The following ROBO2 variants were observed in gnomAD, a reference collection of about 807,000 sequenced individuals.
ROBO2 encodes roundabout guidance receptor 2, also known as roundabout homolog 2.
In ROBO2, 53 loss-of-function variants were observed where a neutral mutation model predicts 160.8. The observed-to-expected ratio is 0.33, with a 90% CI of 0.26 to 0.41. The LOEUF (loss-of-function observed/expected upper bound fraction) is 0.41, where lower values mean the gene tolerates loss of function less well. ROBO2 is among the 10% of genes least tolerant of loss of function. The pLI, the probability that ROBO2 is intolerant of heterozygous loss-of-function variation, is 1.00. For synonymous variants in ROBO2, 664 were observed against 611.7 expected, an observed-to-expected ratio of 1.09 and a Z score of -1.26; for missense variants, 1,577 against 1,722.4, an observed-to-expected ratio of 0.92 and a Z score of 1.49.
At chr3:76,882,086 TTG>T (rs10611502) in intron 2 of ROBO2, among the ~76,000 whole-genome samples, 37,561 of 144,050 alleles carry the variant, frequency 0.26, 4,951 homozygotes, top group Middle Eastern at 0.39. Flanking sequence ...CGTAGGTTGG[TTG>T]TGTGTGTGTG....
chr3:76,149,859 A>C (rs970952837), intron 2 of ROBO2, among the ~76,000 whole-genome samples: 13 of 50,970 alleles, frequency 2.6e-4, no homozygotes, highest in Non-Finnish European at 4.2e-4. Flanking sequence ...CACACATCAT[A>C]TGTCTAAAGC....
At chr3:77,247,871 T>G (rs1169023141) in intron 2 of ROBO2, among the ~76,000 whole-genome samples, 1 of 152,066 alleles carries the variant, frequency 6.6e-6, no homozygotes, top group Non-Finnish European at 1.5e-5. Context: ...TGCAGGGAGA[T>G]CCTGGGCAGA....
intron 2 of ROBO2, among the ~76,000 whole-genome samples, chr3:76,471,635 T>C (rs1475530750): frequency 6.6e-6 from 1 of 152,190 alleles, no homozygotes; most frequent in Non-Finnish European, 1.5e-5. Context: ...TGTGATATAA[T>C]AGTTTTCATC....
At chr3:76,753,029 G>C (rs1243203668) in intron 2 of ROBO2, among the ~76,000 whole-genome samples, 7 of 151,862 alleles carry the variant, frequency 4.6e-5, no homozygotes, top group Admixed American at 1.3e-4. Context: ...AAAGAGTTAA[G>C]TAAGACATTT....
intron 2 of ROBO2, among the ~76,000 whole-genome samples, chr3:77,382,415 C>T (rs1295671614): frequency 7.2e-6 from 1 of 138,300 alleles, no homozygotes; most frequent in Non-Finnish European, 1.6e-5. Flanking sequence ...TTTTCTTCTT[C>T]TTTTTTGTAA....
At chr3:76,983,167 T>G (rs1003050108) in intron 2 of ROBO2, among the ~76,000 whole-genome samples, 1 of 151,928 alleles carries the variant, frequency 6.6e-6, no homozygotes, top group African/African-American at 2.4e-5. Context: ...TGCCTGTAAT[T>G]CCACCTACTC....
At chr3:77,590,388 T>C (rs2094151181) in intron 17 of ROBO2, among the ~76,000 whole-genome samples, 2 of 152,108 alleles carry the variant, frequency 1.3e-5, no homozygotes, top group Non-Finnish European at 2.9e-5. Flanking sequence ...AGTAACTGAG[T>C]GTCAGAGTCT....
intron 2 of ROBO2, among the ~76,000 whole-genome samples, chr3:77,215,138 T>C (rs1489111420): frequency 6.6e-6 from 1 of 152,230 alleles, no homozygotes. Flanking sequence ...CCTTGCTGGG[T>C]TGGGGAAGTT....
At chr3:76,575,565 T>C (rs1248590365) in intron 2 of ROBO2, among the ~76,000 whole-genome samples, 1 of 152,028 alleles carries the variant, frequency 6.6e-6, no homozygotes, top group Non-Finnish European at 1.5e-5. Context: ...GAGGTAGAAG[T>C]ATGAGACAAT....
chr3:77,164,958 C>G (rs1351508546), intron 2 of ROBO2, among the ~76,000 whole-genome samples: 5 of 148,310 alleles, frequency 3.4e-5, no homozygotes, highest in African/African-American at 5.0e-5. Flanking sequence ...CCCCCCAACC[C>G]GGCCAGCCGC....
At chr3:76,973,470 A>G (rs1009305325) in intron 2 of ROBO2, among the ~76,000 whole-genome samples, 3 of 152,092 alleles carry the variant, frequency 2.0e-5, no homozygotes, top group Non-Finnish European at 4.4e-5. Flanking sequence ...CATAGAAAGA[A>G]TAATTATAAT....
chr3:76,088,701 G>C (rs141196515), intron 2 of ROBO2, among the ~76,000 whole-genome samples: 2 of 152,146 alleles, frequency 1.3e-5, no homozygotes, highest in African/African-American at 4.8e-5. Flanking sequence ...ATCAAAATTT[G>C]TGGGAGGCAA....
intron 2 of ROBO2, among the ~76,000 whole-genome samples, chr3:76,759,490 A>G (rs1466657851): frequency 6.6e-6 from 1 of 151,742 alleles, no homozygotes; most frequent in Non-Finnish European, 1.5e-5. Flanking sequence ...TTAAACATAT[A>G]TTAATATATA....
At chr3:76,687,586 C>T (rs2092712646) in intron 2 of ROBO2, among the ~76,000 whole-genome samples, 1 of 151,824 alleles carries the variant, frequency 6.6e-6, no homozygotes, top group South Asian at 2.1e-4. Context: ...TTCAACAGCC[C>T]CTGGAGACAT....
chr3:76,434,529 A>C (rs573646733), intron 2 of ROBO2: 1 of 1,575,630 alleles, frequency 6.3e-7, no homozygotes, highest in East Asian at 2.2e-5. Flanking sequence ...GTGGATAAGA[A>C]GCATGTAGAC....
intron 2 of ROBO2, among the ~76,000 whole-genome samples, chr3:76,583,988 T>G (rs1026632716): frequency 6.6e-6 from 1 of 152,174 alleles, no homozygotes; most frequent in African/African-American, 2.4e-5. Context: ...CCTGAACACA[T>G]TTCTTCATCT....
At chr3:76,480,194 C>T (rs907962711) in intron 2 of ROBO2, among the ~76,000 whole-genome samples, 1 of 152,092 alleles carries the variant, frequency 6.6e-6, no homozygotes, top group African/African-American at 2.4e-5. Flanking sequence ...TCCTGAATAT[C>T]TAATTAAATG....
intron 2 of ROBO2, among the ~76,000 whole-genome samples, chr3:76,405,441 C>T (rs1333183560): frequency 1.3e-5 from 2 of 151,582 alleles, no homozygotes; most frequent in Non-Finnish European, 3.0e-5. Flanking sequence ...TTAGTTAATT[C>T]CCTTGACATT....
chr3:77,301,065 C>T (rs1290183919), intron 2 of ROBO2, among the ~76,000 whole-genome samples: 2 of 151,802 alleles, frequency 1.3e-5, no homozygotes, highest in Non-Finnish European at 2.9e-5. Flanking sequence ...GACAGGGTTT[C>T]ACCATGTTGG....
Sources: allele counts gnomAD v4.1 joint callset (sites outside exome capture counted in the v4.1 genomes callset), GRCh38; gene constraint gnomAD v4.1.1; transcripts MANE v1.5; gene names NCBI Gene and HGNC (gene_info 2026-07-23, HGNC 2026-07-21).